PCDHGB1: variants seen among roughly 807,000 people sequenced by gnomAD.
The protein encoded by PCDHGB1 is protocadherin gamma subfamily B, 1.
In PCDHGB1, 34 loss-of-function variants were observed where a neutral mutation model predicts 56.6. That is an observed-to-expected ratio of 0.60 (90% CI 0.46 to 0.80). The LOEUF (loss-of-function observed/expected upper bound fraction) is 0.80, where lower values mean the gene tolerates loss of function less well. PCDHGB1 is among the 30% of genes least tolerant of loss of function. PCDHGB1 has a pLI of 0.00. For synonymous variants in PCDHGB1, 561 were observed against 505.9 expected (o/e 1.11, Z -1.46); for missense variants, 1,278 against 1,204.6 (o/e 1.06, Z -0.90).
chr5:141,395,016 G>T, intron 1 of PCDHGB1: 1 of 1,614,068 alleles, frequency 6.2e-7, no homozygotes, highest in Admixed American at 1.7e-5. Flanking sequence ...ATTGGTAGGC[G>T]TGCCTGCCTC....
chr5:141,490,098 T>C lies in PCDHGB1; in HGVS notation c.2410-4709T>C, dbSNP rs774132407. On this transcript the variant is annotated intron_variant, in intron 1 of 3. Transcript: ENST00000523390. The surrounding 1 kb of genome is among the most constrained non-coding windows in gnomAD (Gnocchi z 5.4). ...ACTATTCTTTTGGAGACCACACATCTGAGGCAGTGCGGAACCTCTTTGGCC... is the reference window on the plus strand; with the variant it reads ...ACTATTCTTTTGGAGACCACACATCCGAGGCAGTGCGGAACCTCTTTGGCC... The C allele has an allele frequency of 6.2e-7, 1 of 1,614,260 alleles. No homozygotes were observed. The highest frequency in any genetic ancestry group is 8.5e-7 in the Non-Finnish European group (1 of 1,180,038).
At chr5:141,442,629 A>G (rs959326665) in intron 1 of PCDHGB1, among the ~76,000 whole-genome samples, 2 of 152,248 alleles carry the variant, frequency 1.3e-5, no homozygotes, top group African/African-American at 4.8e-5. Context: ...TTCTAGCAGC[A>G]AGACCAAAGG....
At position 141,490,908 on chromosome 5, in the gene PCDHGB1, C is replaced by G; in HGVS notation, c.2410-3899C>G. On this transcript the variant is annotated intron_variant, in intron 1 of 3. Transcript: ENST00000523390. This position sits in a 1 kb window ranked among gnomAD's most constrained non-coding sequence, Gnocchi z 5.4. ...CATCTCTGCATGTGTTTGTCCTAGA[C>G]GAGAATGATAATGCCCCAGCTGTGC... The G allele has an allele frequency of 6.2e-7, 1 of 1,613,710 alleles. No individual in the cohort carries two copies. Among genetic ancestry groups the G allele is most frequent in the Non-Finnish European group, 8.5e-7 (1 of 1,179,754 alleles).
intron 1 of PCDHGB1, among the ~76,000 whole-genome samples, chr5:141,468,046 C>T (rs540273405): frequency 1.3e-4 from 20 of 152,174 alleles, no homozygotes; most frequent in Non-Finnish European, 2.8e-4. Flanking sequence ...AAAACTAAGC[C>T]GGGCACAGTG....
At chr5:141,402,272 G>A (rs934353221) in intron 1 of PCDHGB1, among the ~76,000 whole-genome samples, 7 of 151,874 alleles carry the variant, frequency 4.6e-5, no homozygotes, top group African/African-American at 1.2e-4. Context: ...TAATTTCAAA[G>A]TGGATAATCT....
chr5:141,423,330 C>T (rs932335651), intron 1 of PCDHGB1: 2 of 1,614,174 alleles, frequency 1.2e-6, no homozygotes, highest in Non-Finnish European at 1.7e-6. Flanking sequence ...TGGCCGCAGT[C>T]TCCTGCATCT....
At chr5:141,414,363 T>C in intron 1 of PCDHGB1, 3 of 1,613,910 alleles carry the variant, frequency 1.9e-6, no homozygotes, top group Non-Finnish European at 1.7e-6. Context: ...ATCTACCATT[T>C]AAATTAGAAA....
rs1161188105 is a variant in PCDHGB1, at chr5:141,427,974, G to A, written c.2410-66833G>A. 9 of 1,594,458 alleles carry A rather than the reference G, an allele frequency of 5.6e-6. No individual in the cohort carries two copies. In the Admixed American group the frequency reaches 1.5e-4, roughly 27 times the overall value. ...CAATGTGCCGCGGGTGCTGTACCCC[G>A]CGCTGGGGCCCGATGGCTCCGCACT... On this transcript the variant is annotated intron_variant, in intron 1 of 3. Transcript: ENST00000523390.
chr5:141,478,878 T>C (rs946127535), intron 1 of PCDHGB1: 8 of 1,250,076 alleles, frequency 6.4e-6, no homozygotes, highest in Non-Finnish European at 8.6e-6. Context: ...GAGTTTAGCT[T>C]GGTATCATTT....
chr5:141,393,950 T>C (rs1203228447), intron 1 of PCDHGB1: 1 of 1,613,996 alleles, frequency 6.2e-7, no homozygotes, highest in Non-Finnish European at 8.5e-7. Context: ...CTGGAAAGAA[T>C]GGTCAAGTTG....
chr5:141,429,314 C>A (rs1463397731), intron 1 of PCDHGB1, among the ~76,000 whole-genome samples: 2 of 151,722 alleles, frequency 1.3e-5, no homozygotes, highest in Admixed American at 6.6e-5. Flanking sequence ...GTATATAAGG[C>A]TTTTTCTTTA....
chr5:141,428,223 A>C (rs539110667), intron 1 of PCDHGB1: 30 of 1,169,680 alleles, frequency 2.6e-5, no homozygotes, highest in Admixed American at 2.5e-4. Flanking sequence ...TAGTCTTCGC[A>C]GACAGCCTGC....
intron 1 of PCDHGB1, chr5:141,421,286 T>G: frequency 6.2e-7 from 1 of 1,613,284 alleles, no homozygotes; most frequent in Non-Finnish European, 8.5e-7. Flanking sequence ...CTGTGCATTT[T>G]CCTGGGGACG....
intron 1 of PCDHGB1, among the ~76,000 whole-genome samples, chr5:141,467,486 T>A (rs985186472): frequency 6.6e-6 from 1 of 152,242 alleles, no homozygotes; most frequent in Non-Finnish European, 1.5e-5. Flanking sequence ...GGTTTCCACA[T>A]TTAGATCCCT....
At chr5:141,433,020 C>G (rs761127608) in intron 1 of PCDHGB1, 5 of 1,614,152 alleles carry the variant, frequency 3.1e-6, no homozygotes, top group East Asian at 2.2e-5. Flanking sequence ...CAGACCTATT[C>G]CCACGAGGTT....
At position 141,423,457 on chromosome 5, in the gene PCDHGB1, G is replaced by A. The variant is rs148481587; in HGVS notation, c.2409+70788G>A. 6.9e-5 allele frequency: 111 copies of A among 1,614,010 alleles called. 2 individuals carry two copies. The South Asian group carries it at 9.3e-4, about 14-fold the overall frequency. ...TATGCCCACGTCACATTTTGTAGGC[G>A]TGGACGGGGTACAGGCTTTCCTGCA... On this transcript the variant is annotated intron_variant, in intron 1 of 3. Coordinates refer to ENST00000523390, the MANE Select transcript of PCDHGB1 (RefSeq NM_018922.3).
chr5:141,419,737 G>C lies in PCDHGB1; in HGVS notation c.2409+67068G>C, dbSNP rs201663350. The C allele has an allele frequency of 1.9e-6, 3 of 1,613,718 alleles. No homozygotes were observed. In the African/African-American group the frequency reaches 4.0e-5, roughly 22 times the overall value. Reference sequence around the variant, plus strand: ...GCCTGGGGCTGCGAACAGGCGAGGTGCGCATGGTGCGTGCTTTGGGTGACA... The same window carrying C: ...GCCTGGGGCTGCGAACAGGCGAGGTCCGCATGGTGCGTGCTTTGGGTGACA... On this transcript the variant is annotated intron_variant, in intron 1 of 3. Transcript: ENST00000523390.
At chr5:141,372,320 G>A (rs924868595) in intron 1 of PCDHGB1, 2 of 1,613,612 alleles carry the variant, frequency 1.2e-6, no homozygotes, top group Non-Finnish European at 1.7e-6. Context: ...GCCAGCGCCT[G>A]CTGGTCACTG....
In PCDHGB1 at chr5:141,432,278, A is replaced by G. The variant is rs923930127; in HGVS notation, c.2410-62529A>G. On this transcript the variant is annotated intron_variant, in intron 1 of 3. Transcript: ENST00000523390. The surrounding 1 kb of genome is among the most constrained non-coding windows in gnomAD (Gnocchi z 6.0). ...GGCAAGCCTATCGTCCTACGTGTCC[A>G]TCAACTCCGACACTGGGGTACTGTA... 3.7e-5 allele frequency: 59 copies of G among 1,614,078 alleles called. No individual in the cohort carries two copies. Among genetic ancestry groups the G allele is most frequent in the Non-Finnish European group, 4.7e-5 (55 of 1,180,036 alleles).
Sources: allele counts gnomAD v4.1 joint callset (sites outside exome capture counted in the v4.1 genomes callset), GRCh38; gene constraint gnomAD v4.1.1; non-coding constraint Gnocchi (gnomAD v3.1); transcripts MANE v1.5; gene names NCBI Gene and HGNC (gene_info 2026-07-23, HGNC 2026-07-21).